The following NUCB2 variants were observed in gnomAD, a reference collection of about 807,000 sequenced individuals.
NUCB2 encodes the protein nucleobindin-2.
NUCB2 carries 48 observed loss-of-function variants against 57.9 expected under a neutral mutation model. That is an observed-to-expected ratio of 0.83 (90% CI 0.66 to 1.05). The LOEUF (loss-of-function observed/expected upper bound fraction) is 1.05. Among genes scored for constraint, NUCB2 ranks in the 50% least tolerant of loss-of-function variants. The pLI, the probability that NUCB2 is intolerant of heterozygous loss-of-function variation, is 0.00. For missense variants in NUCB2, 442 were observed against 476.2 expected, an observed-to-expected ratio of 0.93 and a Z score of 0.67; for synonymous variants, 139 against 152.1, an observed-to-expected ratio of 0.91 and a Z score of 0.64.
chr11:17,348,331 T>G (rs1315585043), intron 2 of NUCB2, among the ~76,000 whole-genome samples: 15 of 124,224 alleles, frequency 1.2e-4, no homozygotes, highest in East Asian at 4.7e-4. Flanking sequence ...TTTTTTTTTT[T>G]TTTTTTTTTT....
chr11:17,323,372 A>T (rs1416653188), intron 11 of NUCB2, among the ~76,000 whole-genome samples: 1 of 149,832 alleles, frequency 6.7e-6, no homozygotes, highest in Non-Finnish European at 1.5e-5. Flanking sequence ...TTGATATATC[A>T]TATTGATTTG....
chr11:17,324,742 T>C (rs1055010785), intron 11 of NUCB2, among the ~76,000 whole-genome samples: 2 of 152,122 alleles, frequency 1.3e-5, no homozygotes, highest in Non-Finnish European at 2.9e-5. Context: ...CCAAATGTTA[T>C]AAGACTTGTT....
downstream of NUCB2, among the ~76,000 whole-genome samples, chr11:17,335,830 TC>T (rs1951760255): frequency 6.6e-6 from 1 of 152,046 alleles, no homozygotes; most frequent in Non-Finnish European, 1.5e-5. Flanking sequence ...CAAACAGTAT[TC>T]TTTTCAGTTG....
In NUCB2 at chr11:17,330,189, T is replaced by C; in HGVS notation, c.1065T>C (p.Ala355=). The change falls in exon 12 of 14, where the codon GCT becomes GCC. Residue 355 remains alanine (A), a synonymous_variant. Coordinates refer to ENST00000529010, the MANE Select transcript of NUCB2 (RefSeq NM_005013.4). The surrounding 1 kb of genome is among the most constrained non-coding windows in gnomAD (Gnocchi z 4.3). ...EELKEYENII[A]LQENELKKKA... ...TAAAAGAATATGAAAATATTATTGC[T>C]TTACAAGAAAATGAACTTAAGAAGA... 6.3e-7 allele frequency: 1 copy of C among 1,596,566 alleles called. No homozygotes were observed. The highest frequency in any genetic ancestry group is 8.6e-7 in the Non-Finnish European group (1 of 1,165,532).
chr11:17,278,713 CTTTTT>C (rs1383855562), intron 1 of NUCB2, among the ~76,000 whole-genome samples: 1 of 152,106 alleles, frequency 6.6e-6, no homozygotes. Flanking sequence ...ATTCAGATGT[CTTTTT>C]TGTTTTGGGA....
intron 2 of NUCB2, among the ~76,000 whole-genome samples, chr11:17,288,456 T>G (rs1046278119): frequency 5.3e-5 from 8 of 152,064 alleles, no homozygotes; most frequent in Admixed American, 2.0e-4. Context: ...GCTTCCTGAA[T>G]AGCTGGGATT....
chr11:17,316,512 T>C (rs1949269733), intron 11 of NUCB2, among the ~76,000 whole-genome samples: 1 of 152,230 alleles, frequency 6.6e-6, no homozygotes. Flanking sequence ...AATGACACTA[T>C]GATGACTATC....
intron 1 of NUCB2, among the ~76,000 whole-genome samples, chr11:17,282,386 A>G (rs1352124248): frequency 1.3e-5 from 2 of 151,568 alleles, no homozygotes; most frequent in Non-Finnish European, 2.9e-5. Flanking sequence ...AGCCTCTTGA[A>G]TAGCTGGAAC....
At chr11:17,326,609 G>A (rs554940475) in intron 11 of NUCB2, among the ~76,000 whole-genome samples, 5 of 152,170 alleles carry the variant, frequency 3.3e-5, no homozygotes, top group East Asian at 1.9e-4. Context: ...ATGAGCCACC[G>A]CACCTGGCTG....
chr11:17,284,914 C>T (rs780635599), intron 2 of NUCB2, among the ~76,000 whole-genome samples: 9 of 151,978 alleles, frequency 5.9e-5, no homozygotes, highest in Admixed American at 3.9e-4. Flanking sequence ...AGGACTATGT[C>T]GATCTCGCTT....
chr11:17,326,946 C>T (rs1249113297), intron 11 of NUCB2, among the ~76,000 whole-genome samples: 3 of 152,180 alleles, frequency 2.0e-5, no homozygotes, highest in Admixed American at 6.6e-5. Flanking sequence ...CTTTATTTCT[C>T]CTTCATGCTT....
chr11:17,334,276 G>C (rs1591606508), downstream of NUCB2: 1 of 152,244 alleles, frequency 6.6e-6, no homozygotes, highest in East Asian at 1.9e-4. Context: ...TGAGCTTCTA[G>C]GAATTATGTC....
intron 2 of NUCB2, among the ~76,000 whole-genome samples, chr11:17,288,219 C>T (rs1232073980): frequency 6.6e-6 from 1 of 152,092 alleles, no homozygotes; most frequent in East Asian, 1.9e-4. Flanking sequence ...TATGATATGC[C>T]TAAAAATACT....
At chr11:17,321,569 ACAGATATCTCTTTGATATACCAATTT>A (rs1228176949) in intron 11 of NUCB2, among the ~76,000 whole-genome samples, 3 of 152,172 alleles carry the variant, frequency 2.0e-5, no homozygotes, top group Admixed American at 6.6e-5. Context: ...ACATGGAAAC[ACAGATATCTCTTTGATATACCAATTT>A]CCTTTCTTTT....
chr11:17,298,010 C>T lies in NUCB2; in HGVS notation c.252+1799C>T, dbSNP rs372592292. 1.2e-4 allele frequency among the ~76,000 whole-genome samples: 17 copies of T among 139,974 alleles called. No homozygotes were observed. The East Asian group carries it at 2.4e-3, about 19-fold the overall frequency. The allele number at this position is 139,974 out of a possible 152,430, so 91.8% of individuals were successfully genotyped here. On this transcript the variant is annotated intron_variant, in intron 4 of 13. Coordinates refer to ENST00000529010, the MANE Select transcript of NUCB2 (RefSeq NM_005013.4). The stretch of plus-strand genomic sequence containing the variant: ...GGCAGGAGAATTGCTTGAACCTGGG[C>T]GGCAGAGGTTGCAGTGAGCCGAGAT...
chr11:17,315,706 C>G (rs976430294), intron 11 of NUCB2, among the ~76,000 whole-genome samples: 1 of 151,944 alleles, frequency 6.6e-6, no homozygotes, highest in South Asian at 2.1e-4. Flanking sequence ...AAAAATTATA[C>G]TTTTTTCAAA....
intron 2 of NUCB2, among the ~76,000 whole-genome samples, chr11:17,344,094 G>T (rs1209340709): frequency 6.6e-6 from 1 of 152,116 alleles, no homozygotes; most frequent in Non-Finnish European, 1.5e-5. Context: ...TGACTCATGG[G>T]GTGGGTCCCT....
At chr11:17,324,828 G>A (rs1233652509) in intron 11 of NUCB2, among the ~76,000 whole-genome samples, 1 of 150,562 alleles carries the variant, frequency 6.6e-6, no homozygotes, top group East Asian at 1.9e-4. Context: ...TTGAGACAGA[G>A]CCTCACTCTG....
chr11:17,289,079 C>T (rs36016757), intron 2 of NUCB2, among the ~76,000 whole-genome samples: 16 of 151,786 alleles, frequency 1.1e-4, no homozygotes, highest in African/African-American at 3.9e-4. Flanking sequence ...GCCTCAGCCT[C>T]CTGAGTAGCT....
Sources: allele counts gnomAD v4.1 joint callset (sites outside exome capture counted in the v4.1 genomes callset), GRCh38; gene constraint gnomAD v4.1.1; non-coding constraint Gnocchi (gnomAD v3.1); transcripts MANE v1.5; gene names NCBI Gene and HGNC (gene_info 2026-07-23, HGNC 2026-07-21).